Variants in VPS13D observed in about 807,000 individuals in gnomAD.
VPS13D encodes intermembrane lipid transfer protein VPS13D.
Under a neutral mutation model 461.9 loss-of-function variants are expected in VPS13D, and 187 were observed. That is an observed-to-expected ratio of 0.40 (90% CI 0.36 to 0.46). The LOEUF (loss-of-function observed/expected upper bound fraction) is 0.46. Ranked by LOEUF, VPS13D falls within the 20% of genes least tolerant of loss-of-function variation. VPS13D has a pLI of 0.60. For synonymous variants in VPS13D, 1,951 were observed against 1,986.3 expected, an observed-to-expected ratio of 0.98 and a Z score of 0.47; for missense variants, 4,711 against 5,364.9, an observed-to-expected ratio of 0.88 and a Z score of 3.81.
chr1:12,385,512 T>A, intron 59 of VPS13D, 139 bp downstream of exon 59: 1 of 670,654 alleles, frequency 1.5e-6, no homozygotes, highest in Non-Finnish European at 2.5e-6. Context: ...GTTTACTGTT[T>A]ATCAGTGAAT....
At chr1:12,256,031 G>T (rs1389330183) in intron 7 of VPS13D, among the ~76,000 whole-genome samples, 1 of 151,946 alleles carries the variant, frequency 6.6e-6, no homozygotes, top group Non-Finnish European at 1.5e-5. Context: ...CATGTAACTT[G>T]ATCCTAAAAA....
intron 12 of VPS13D, 37 bp downstream of exon 12, chr1:12,261,186 A>T (rs905471483): frequency 2.5e-6 from 4 of 1,608,778 alleles, no homozygotes; most frequent in Non-Finnish European, 3.4e-6. Context: ...ATTCAAACAA[A>T]TTCGTCTGTT....
chr1:12,489,488 G>T (rs1645846886), intron 67 of VPS13D, among the ~76,000 whole-genome samples: 1 of 152,178 alleles, frequency 6.6e-6, no homozygotes, highest in Admixed American at 6.5e-5. Flanking sequence ...TACAACATGG[G>T]ATTTTATGTG....
intron 67 of VPS13D, among the ~76,000 whole-genome samples, chr1:12,460,923 AAAG>A (rs1373161595): frequency 2.6e-5 from 4 of 151,980 alleles, no homozygotes; most frequent in Admixed American, 6.6e-5. Flanking sequence ...CCAACCCCAT[AAAG>A]AAAAGTGCCA....
chr1:12,489,367 G>A (rs576165387), intron 67 of VPS13D, among the ~76,000 whole-genome samples: 1 of 152,316 alleles, frequency 6.6e-6, no homozygotes, highest in South Asian at 2.1e-4. Flanking sequence ...CCCAGCCCAG[G>A]AAATGTCATC....
chr1:12,318,427 A>G (rs769813879), intron 31 of VPS13D, 90 bp downstream of exon 31: 13 of 1,476,602 alleles, frequency 8.8e-6, no homozygotes, highest in Non-Finnish European at 1.2e-5. Flanking sequence ...TTTGCCTCCC[A>G]TTTTTCACGT....
intron 62 of VPS13D, 22 bp downstream of exon 62, chr1:12,401,726 C>T (rs931279616): frequency 6.3e-7 from 1 of 1,593,256 alleles, no homozygotes; most frequent in African/African-American, 1.3e-5. Flanking sequence ...TGTTCTATGT[C>T]TGTGTTTGGG....
chr1:12,424,214 G>T (rs1004240566), intron 65 of VPS13D, among the ~76,000 whole-genome samples: 41 of 152,168 alleles, frequency 2.7e-4, no homozygotes, highest in African/African-American at 9.9e-4. Context: ...AAAAGACTTT[G>T]ATCCTAAATA....
At chr1:12,230,814 T>A (rs373842957) in intron 1 of VPS13D, among the ~76,000 whole-genome samples, 1 of 151,838 alleles carries the variant, frequency 6.6e-6, no homozygotes, top group Non-Finnish European at 1.5e-5. Flanking sequence ...CAGCCACTCC[T>A]CCTAGGTATG....
rs77906899 is a variant in VPS13D, at chr1:12,249,654, T to C, written c.564+315T>C. ...GGGTAAACTCACTGTGTTTCATAGTTGTAGCTACCACCTGGGAATATTTGA... is the reference window on the plus strand; with the variant it reads ...GGGTAAACTCACTGTGTTTCATAGTCGTAGCTACCACCTGGGAATATTTGA... On this transcript the variant is annotated intron_variant, in intron 6 of 69. Transcript: ENST00000620676. 4.0e-3 allele frequency: 718 copies of C among 179,474 alleles called. 4 individuals carry two copies. Among genetic ancestry groups the C allele is most frequent in the African/African-American group, 0.016 (686 of 42,480 alleles). The allele number at this position is 179,474 out of a possible 1,614,324, so 11.1% of individuals were successfully genotyped here. A position where few individuals can be genotyped will look rare whatever the true frequency, so the allele number is the denominator to read the frequency against.
rs1341144908 is a variant in VPS13D at position 12,508,947 on chromosome 1, G to A, written c.13090G>A (p.Ala4364Thr). The change falls in exon 70 of 70, where the codon GCA (alanine) becomes ACA (threonine). Residue 4364 changes from alanine to threonine, a missense_variant. Physicochemically the swap from Ala to Thr is moderately conservative, Grantham distance 58. Coordinates refer to ENST00000620676, the MANE Select transcript of VPS13D (RefSeq NM_015378.4). ...AVKLSQEINY[A>T]KSLYYEQQLM... Reference sequence around the variant, plus strand: ...CAAGTTGTCACAAGAAATAAACTACGCAAAGAGCCTCTACTATGAACAGCA... The same window carrying A: ...CAAGTTGTCACAAGAAATAAACTACACAAAGAGCCTCTACTATGAACAGCA... 10 of 1,614,022 alleles carry A rather than the reference G, an allele frequency of 6.2e-6. No individual in the cohort carries two copies. The highest frequency in any genetic ancestry group is 2.2e-5 in the East Asian group (1 of 44,894).
intron 32 of VPS13D, among the ~76,000 whole-genome samples, chr1:12,321,148 A>G (rs538147275): frequency 6.6e-6 from 1 of 152,204 alleles, no homozygotes; most frequent in Non-Finnish European, 1.5e-5. Context: ...GAATGTATTT[A>G]TTTTTTAACC....
intron 18 of VPS13D, among the ~76,000 whole-genome samples, chr1:12,274,535 C>T (rs1327741584): frequency 6.6e-6 from 1 of 152,032 alleles, no homozygotes; most frequent in Non-Finnish European, 1.5e-5. Flanking sequence ...AGGTCTCGAA[C>T]TCCTAACCTC....
At chr1:12,260,839 C>CTGAGTGCTACAGTTT in intron 11 of VPS13D, 45 bp downstream of exon 11, 3 of 1,599,156 alleles carry the variant, frequency 1.9e-6, no homozygotes, top group Non-Finnish European at 2.6e-6. Context: ...CCAGCACACC[C>CTGAGTGCTACAGTTT]TGAGTGCTAC....
intron 46 of VPS13D, among the ~76,000 whole-genome samples, chr1:12,353,562 C>G (rs1436516486): frequency 1.4e-5 from 2 of 139,420 alleles, no homozygotes; most frequent in Non-Finnish European, 3.1e-5. Flanking sequence ...AAAAACCAGA[C>G]ATAAAGAGTA....
intron 68 of VPS13D, among the ~76,000 whole-genome samples, chr1:12,503,383 T>C (rs1646060281): frequency 6.6e-6 from 1 of 151,992 alleles, no homozygotes; most frequent in South Asian, 2.1e-4. Flanking sequence ...GGGGTCTCAC[T>C]ATGTGGCCCA....
At position 12,506,971 on chromosome 1, in the gene VPS13D, G is replaced by T; in HGVS notation, c.12913G>T (p.Asp4305Tyr). 1 of 1,614,256 alleles carries T rather than the reference G, an allele frequency of 6.2e-7. No individual in the cohort carries two copies. ...REAIFLEVKYDDLYHCLVSKD... is the reference protein window; with the variant it reads ...REAIFLEVKYYDLYHCLVSKD... ...AGCCATTTTCCTAGAAGTCAAATAC[G>T]ATGACCTCTACCACTGCCTTGTCTC... Residue 4305 changes from aspartate to tyrosine, a missense_variant, in exon 69 of 70, where the codon GAT (aspartate) becomes TAT (tyrosine). Asp to Tyr is a radical substitution (Grantham distance 160). This residue lies in a region of VPS13D where 194 missense variants were observed against 220.9 expected (regional missense o/e 0.88). Coordinates refer to ENST00000620676, the MANE Select transcript of VPS13D (RefSeq NM_015378.4).
intron 69 of VPS13D, among the ~76,000 whole-genome samples, 199 bp from the exon 70 acceptor site, chr1:12,508,691 CAAA>C (rs35358579): frequency 2.5e-5 from 3 of 121,220 alleles, no homozygotes; most frequent in African/African-American, 6.1e-5. Context: ...GACTCCGTCT[CAAA>C]AAAAAAAAAA....
Position 12,307,535 on chromosome 1 carries a change from C to T in VPS13D, c.6440-896C>T, listed in dbSNP as rs568908427. 2.0e-5 allele frequency among the ~76,000 whole-genome samples: 3 copies of T among 152,156 alleles called. No individual in the cohort carries two copies. The East Asian group carries it at 5.8e-4, about 29-fold the overall frequency. ...GTTTTGAGATGGAGTCTTGTTCTGC[C>T]CAGGCTGGAGTGCAGTGGCGTGATC... On this transcript the variant is annotated intron_variant, in intron 26 of 69. Coordinates refer to ENST00000620676, the MANE Select transcript of VPS13D (RefSeq NM_015378.4).
Sources: allele counts gnomAD v4.1 joint callset (sites outside exome capture counted in the v4.1 genomes callset), GRCh38; gene constraint gnomAD v4.1.1; regional missense constraint gnomAD v4.1.1; transcripts MANE v1.5; gene names NCBI Gene and HGNC (gene_info 2026-07-23, HGNC 2026-07-21).